The following PDE10A variants were observed in gnomAD, a reference collection of about 807,000 sequenced individuals.
PDE10A encodes phosphodiesterase 10A, also known as cAMP and cAMP-inhibited cGMP 3',5'-cyclic phosphodiesterase 10A.
A neutral mutation model predicts 97.7 loss-of-function variants in PDE10A; 39 were observed. That is an observed-to-expected ratio of 0.40 (90% CI 0.31 to 0.52). The LOEUF (loss-of-function observed/expected upper bound fraction) is 0.52. Among genes scored for constraint, PDE10A ranks in the 20% least tolerant of loss-of-function variants. The probability of loss-of-function intolerance (pLI) is 0.56; values close to 1 mark genes in which losing one functional copy is unlikely to be tolerated. For synonymous variants in PDE10A, 371 were observed against 376.8 expected (o/e 0.98, Z 0.18); for missense variants, 731 against 1,047.8 (o/e 0.70, Z 4.17).
chr6:165,730,391 C>T (rs1792400435), intron 1 of PDE10A, among the ~76,000 whole-genome samples: 1 of 152,202 alleles, frequency 6.6e-6, no homozygotes, highest in Non-Finnish European at 1.5e-5. Flanking sequence ...TCCCCCATCC[C>T]AGAGCATTTT....
chr6:165,921,924 G>A (rs1782763632), intron 1 of PDE10A, among the ~76,000 whole-genome samples: 1 of 152,200 alleles, frequency 6.6e-6, no homozygotes, highest in African/African-American at 2.4e-5. Context: ...TCCTGCCGCT[G>A]CTGGGATTAG....
intron 2 of PDE10A, among the ~76,000 whole-genome samples, chr6:165,512,725 G>GT (rs1781571415): frequency 6.6e-6 from 1 of 151,992 alleles, no homozygotes; most frequent in South Asian, 2.1e-4. Context: ...CTGATCAGTT[G>GT]TATGTTAAGT....
intron 1 of PDE10A, among the ~76,000 whole-genome samples, chr6:165,659,515 C>A (rs1237953408): frequency 6.6e-6 from 1 of 152,220 alleles, no homozygotes; most frequent in African/African-American, 2.4e-5. Flanking sequence ...AAATTGGCTA[C>A]TCTCTTTTAA....
intron 1 of PDE10A, among the ~76,000 whole-genome samples, chr6:165,635,795 G>A (rs565346068): frequency 6.6e-6 from 1 of 152,166 alleles, no homozygotes; most frequent in African/African-American, 2.4e-5. Flanking sequence ...AAGAATAAAG[G>A]TACCTTTAAT....
Position 165,400,844 on chromosome 6 carries a change from T to C in PDE10A, c.2077-4385A>G, listed in dbSNP as rs117632735. On this transcript the variant is annotated intron_variant, in intron 13 of 21. Coordinates refer to ENST00000539869, the MANE Select transcript of PDE10A (RefSeq NM_001385079.1). ...TATCAACAAGTAAATAAATTAGTTA[T>C]GGTATATCCATACAATAAACTACTA... Among the ~76,000 whole-genome samples, 1,276 of 152,348 alleles carry C rather than the reference T, an allele frequency of 8.4e-3. 6 individuals are homozygous for C. Among genetic ancestry groups the C allele is most frequent in the Non-Finnish European group, 0.014 (930 of 68,034 alleles).
At chr6:165,639,324 T>TTA (rs1789020412) in intron 1 of PDE10A, among the ~76,000 whole-genome samples, 2 of 152,302 alleles carry the variant, frequency 1.3e-5, no homozygotes, top group South Asian at 4.1e-4. Context: ...TTTTTCAGCT[T>TTA]TCTGTTGAGA....
At chr6:165,801,660 C>G (rs1307003729) in intron 1 of PDE10A, among the ~76,000 whole-genome samples, 1 of 152,184 alleles carries the variant, frequency 6.6e-6, no homozygotes, top group Non-Finnish European at 1.5e-5. Flanking sequence ...ACATTTAAAC[C>G]CTTTTCAAGC....
At chr6:165,342,252 A>C (rs1782017631) in intron 19 of PDE10A, among the ~76,000 whole-genome samples, 1 of 152,186 alleles carries the variant, frequency 6.6e-6, no homozygotes, top group African/African-American at 2.4e-5. Context: ...CTTTCAATAT[A>C]TTTATTGAAA....
chr6:165,408,330 C>A (rs1787383891), intron 13 of PDE10A, among the ~76,000 whole-genome samples: 1 of 152,136 alleles, frequency 6.6e-6, no homozygotes, highest in Non-Finnish European at 1.5e-5. Flanking sequence ...AGGGAACCCG[C>A]AGATGTGATT....
intron 18 of PDE10A, among the ~76,000 whole-genome samples, chr6:165,360,962 T>A (rs566732476): frequency 1.3e-5 from 2 of 152,300 alleles, no homozygotes; most frequent in East Asian, 3.9e-4. Flanking sequence ...AAAGACAATT[T>A]GCTTTCCCCC....
At chr6:165,817,986 CAT>C (rs1779466134) in intron 1 of PDE10A, among the ~76,000 whole-genome samples, 1 of 152,224 alleles carries the variant, frequency 6.6e-6, no homozygotes, top group African/African-American at 2.4e-5. Context: ...AAGGCACTGA[CAT>C]TGCACATCGT....
chr6:165,776,856 C>A (rs1583072844), intron 1 of PDE10A, among the ~76,000 whole-genome samples: 1 of 152,166 alleles, frequency 6.6e-6, no homozygotes. Context: ...GAGGCTGAAA[C>A]CGTTGCCTGA....
intron 1 of PDE10A, among the ~76,000 whole-genome samples, chr6:165,766,638 G>A (rs887273819): frequency 2.5e-4 from 38 of 152,312 alleles, no homozygotes; most frequent in African/African-American, 8.4e-4. Flanking sequence ...GAAAACACAC[G>A]TTCAGGCGGT....
intron 1 of PDE10A, among the ~76,000 whole-genome samples, chr6:165,718,902 G>T (rs542362447): frequency 1.3e-4 from 19 of 151,760 alleles, no homozygotes; most frequent in Admixed American, 1.2e-3. Flanking sequence ...GACCATACAG[G>T]GAGGAAAAAA....
At chr6:165,511,569 G>A (rs1274591851) in intron 2 of PDE10A, among the ~76,000 whole-genome samples, 3 of 151,974 alleles carry the variant, frequency 2.0e-5, no homozygotes, top group Non-Finnish European at 4.4e-5. Context: ...TTTATTTGGT[G>A]ATTTTCTTCC....
At chr6:165,455,259 G>A (rs575512512) in intron 3 of PDE10A, among the ~76,000 whole-genome samples, 3 of 152,254 alleles carry the variant, frequency 2.0e-5, no homozygotes, top group East Asian at 1.9e-4. Context: ...GGGGTTCATG[G>A]AGATCAGGTG....
chr6:165,577,762 AC>A (rs1449849446), intron 1 of PDE10A, among the ~76,000 whole-genome samples: 3 of 152,198 alleles, frequency 2.0e-5, no homozygotes, highest in African/African-American at 7.2e-5. Context: ...ACGGGTGGGC[AC>A]AGGCACTTCT....
At chr6:165,469,760 G>A (rs1778878806) in intron 3 of PDE10A, among the ~76,000 whole-genome samples, 2 of 152,152 alleles carry the variant, frequency 1.3e-5, no homozygotes, top group African/African-American at 4.8e-5. Context: ...CTGGAACACT[G>A]TATCTGTCAA....
chr6:165,581,136 C>T (rs1785594463), intron 1 of PDE10A, among the ~76,000 whole-genome samples: 1 of 152,210 alleles, frequency 6.6e-6, no homozygotes. Flanking sequence ...TCAATTCTAA[C>T]TTTACCACTC....
Sources: allele counts gnomAD v4.1 joint callset (sites outside exome capture counted in the v4.1 genomes callset), GRCh38; gene constraint gnomAD v4.1.1; transcripts MANE v1.5; gene names NCBI Gene and HGNC (gene_info 2026-07-23, HGNC 2026-07-21).